Variants in CCNA2 observed in about 807,000 individuals in gnomAD.
The protein encoded by CCNA2 is cyclin A2, also known as cyclin-A2.
In CCNA2, 3 loss-of-function variants were observed where a neutral mutation model predicts 49.4. That is an observed-to-expected ratio of 0.06 (90% CI 0.03 to 0.16). CCNA2 has a LOEUF of 0.16. Ranked by LOEUF, CCNA2 falls within the 10% of genes least tolerant of loss-of-function variation. The probability of loss-of-function intolerance (pLI) is 1.00; values close to 1 mark genes in which losing one functional copy is unlikely to be tolerated. For missense variants in CCNA2, 372 were observed against 519.7 expected (o/e 0.72, Z 2.76); for synonymous variants, 206 against 197.2 (o/e 1.04, Z -0.37).
In CCNA2 at chr4:121,820,818, A is replaced by G. The variant is rs1724673441; in HGVS notation, c.571-53T>C. ...AAATTATTCTAGTGTAAAAACTGCA[A>G]TTAGATTATTTTACCATTAATTACG... On this transcript the variant is annotated intron_variant, in intron 3 of 7. Transcript: ENST00000274026. The surrounding 1 kb of genome is among the most constrained non-coding windows in gnomAD (Gnocchi z 4.1). 1 of 1,350,704 alleles carries G rather than the reference A, an allele frequency of 7.4e-7. No homozygotes were observed. The highest frequency in any genetic ancestry group is 1.3e-5 in the South Asian group (1 of 78,914). 83.7% of individuals were successfully genotyped at this position (1,350,704 alleles called of 1,614,324 possible). A position where few individuals can be genotyped will look rare whatever the true frequency, so the allele number is the denominator to read the frequency against.
intron 7 of CCNA2, 99 bp downstream of exon 7, chr4:121,817,945 C>T: frequency 8.1e-7 from 1 of 1,234,114 alleles, no homozygotes; most frequent in Non-Finnish European, 1.1e-6. Flanking sequence ...AACAGCTTCT[C>T]AAGGAGGCTA....
At chr4:121,822,782 CA>C in intron 1 of CCNA2, 136 bp from the exon 2 acceptor site, 1 of 881,658 alleles carries the variant, frequency 1.1e-6, no homozygotes, top group South Asian at 1.8e-5. Flanking sequence ...TTTCAGTATT[CA>C]AAAGAGAAGG....
In CCNA2 at chr4:121,820,589, C is replaced by T; in HGVS notation, c.747G>A (p.Leu249=). 1 of 1,614,148 alleles carries T rather than the reference C, an allele frequency of 6.2e-7. No homozygotes were observed. The change falls in exon 4 of 8, where the codon CTG becomes CTA. Residue 249 remains leucine, a synonymous_variant. Coordinates refer to ENST00000274026, the MANE Select transcript of CCNA2 (RefSeq NM_001237.5). The surrounding 1 kb of genome is among the most constrained non-coding windows in gnomAD (Gnocchi z 4.1). ...IDRFLSSMSV[L]RGKLQLVGTA... The stretch of plus-strand genomic sequence containing the variant: ...TGCCCACAAGCTGAAGTTTTCCTCT[C>T]AGCACTGACATGGAAGACAGGAACC...
chr4:121,817,728 C>G, intron 7 of CCNA2, 42 bp from the exon 8 acceptor site: 1 of 1,610,990 alleles, frequency 6.2e-7, no homozygotes, highest in Non-Finnish European at 8.5e-7. Context: ...TAAACACTCA[C>G]TGGGTAAAGG....
At chr4:121,818,247 G>T in intron 6 of CCNA2, 70 bp from the exon 7 acceptor site, 2 of 1,371,680 alleles carry the variant, frequency 1.5e-6, no homozygotes, top group Non-Finnish European at 1.0e-6. Flanking sequence ...TAAATAGTTG[G>T]CATTAAGCTT....
In CCNA2 at chr4:121,816,974, T is replaced by C. The variant is rs1724544438; in HGVS notation, c.*664A>G. On this transcript the variant is annotated 3_prime_UTR_variant, in exon 8 of 8. Coordinates refer to ENST00000274026, the MANE Select transcript of CCNA2 (RefSeq NM_001237.5). ...ATAAAATCTAGCAGGATTTTAAAAA[T>C]AGTTTTTTGTTTTTAATGTGCTTTA... 1.9e-6 allele frequency: 2 copies of C among 1,080,978 alleles called. No individual in the cohort carries two copies. Among genetic ancestry groups the C allele is most frequent in the South Asian group, 2.1e-5 (1 of 47,006 alleles). 67.0% of individuals were successfully genotyped at this position (1,080,978 alleles called of 1,614,324 possible).
chr4:121,818,180 A>G lies in CCNA2; in HGVS notation c.1117-3T>C, dbSNP rs1724595291. ...GTCTTTCGTATTAATGATTCAGGCT[A>G]CAGAGAAGGGAATAGAGAACCCCTG... On this transcript the variant is annotated splice_region_variant and splice_polypyrimidine_tract_variant and intron_variant, in intron 6 of 7. Transcript: ENST00000274026. 2.5e-6 allele frequency: 4 copies of G among 1,611,442 alleles called. No individual in the cohort carries two copies. The highest frequency in any genetic ancestry group is 1.7e-5 in the Admixed American group (1 of 59,394).
In CCNA2 at chr4:121,820,710, C is replaced by G; in HGVS notation, c.626G>C (p.Ser209Thr). The stretch of plus-strand genomic sequence containing the variant: ...CCAGTCCACGAGGATAGCTCTCATA[C>G]TGTTAGTGATGTCTGGCTGTTTCTT... ...YMKKQPDITN[S>T]MRAILVDWLV... Residue 209 changes from serine to threonine, a missense_variant, in exon 4 of 8, where the codon AGT (serine) becomes ACT (threonine). Ser to Thr is a moderately conservative substitution (Grantham distance 58). Coordinates refer to ENST00000274026, the MANE Select transcript of CCNA2 (RefSeq NM_001237.5). This position sits in a 1 kb window ranked among gnomAD's most constrained non-coding sequence, Gnocchi z 4.1. 6.2e-7 allele frequency: 1 copy of G among 1,614,018 alleles called. No homozygotes were observed. Among genetic ancestry groups the G allele is most frequent in the Middle Eastern group, 1.6e-4 (1 of 6,062 alleles).
At position 121,818,045 on chromosome 4, in the gene CCNA2, T is replaced by C; in HGVS notation, c.1249A>G (p.Lys417Glu). 1 of 1,610,906 alleles carries C rather than the reference T, an allele frequency of 6.2e-7. No individual in the cohort carries two copies. The highest frequency in any genetic ancestry group is 2.2e-5 in the East Asian group (1 of 44,864). The change falls in exon 7 of 8, where the codon AAG (lysine) becomes GAG (glutamate). Residue 417 changes from lysine to glutamate, a missense_variant and splice_region_variant. Lys to Glu is a moderately conservative substitution (Grantham distance 56). Transcript: ENST00000274026. ...QSIREKYKNS[K>E]YHGVSLLNPP... ...TTCAATATCCAAGTTAATTCTTACT[T>C]TGAATTTTTGTACTTTTCTCTTATT...
At position 121,816,599 on chromosome 4, in the gene CCNA2, C is replaced by A; in HGVS notation, c.*1039G>T. 1 of 819,782 alleles carries A rather than the reference C, an allele frequency of 1.2e-6. No individual in the cohort carries two copies. Among genetic ancestry groups the A allele is most frequent in the Non-Finnish European group, 1.8e-6 (1 of 544,194 alleles). The allele number at this position is 819,782 out of a possible 1,614,324, so 50.8% of individuals were successfully genotyped here. ...TCCATCTGTTCTGTGATTTTTTTAC[C>A]TTGTGATTTATAAAAATTAGGACCT... is the stretch of plus-strand genomic sequence containing the variant. On this transcript the variant is annotated 3_prime_UTR_variant, in exon 8 of 8. Transcript: ENST00000274026.
At chr4:121,819,325 A>T in intron 5 of CCNA2, 47 bp downstream of exon 5, 1 of 1,432,634 alleles carries the variant, frequency 7.0e-7, no homozygotes, top group Non-Finnish European at 9.8e-7. Context: ...GCTTACCCCT[A>T]ATTATTACCA....
At position 121,818,885 on chromosome 4, in the gene CCNA2, G is replaced by C. The variant is rs1724618424; in HGVS notation, c.1031C>G (p.Ala344Gly). The change falls in exon 6 of 8, where the codon GCT (alanine) becomes GGT (glycine). Residue 344 changes from alanine to glycine, a missense_variant. Ala to Gly is a moderately conservative substitution (Grantham distance 60). Around this residue, in one of 2 missense-constraint regions of CCNA2, gnomAD observed 155 missense variants for 288.1 expected, o/e 0.54. Transcript: ENST00000274026. Reference sequence around the variant, plus strand: ...TGGCAAATACTTGAGGTATGGGTCAGCATCTATCAAACTTAATTCTCCCAA... The same window carrying C: ...TGGCAAATACTTGAGGTATGGGTCACCATCTATCAAACTTAATTCTCCCAA... ...MFLGELSLID[A>G]DPYLKYLPSV... 6.2e-7 allele frequency: 1 copy of C among 1,612,110 alleles called. No individual in the cohort carries two copies. The highest frequency in any genetic ancestry group is 1.1e-5 in the South Asian group (1 of 91,038).
chr4:121,816,922 TG>T lies in CCNA2; in HGVS notation c.*715del. On this transcript the variant is annotated 3_prime_UTR_variant, in exon 8 of 8. Transcript: ENST00000274026. ...GATATTTATTCCATTCTGAGAACCC[TG>T]GGTATTTTTTATTCACAAATCCATT... is the stretch of plus-strand genomic sequence containing the variant. The T allele has an allele frequency of 1.5e-6, 2 of 1,364,796 alleles. No homozygotes were observed. Among genetic ancestry groups the T allele is most frequent in the Non-Finnish European group, 1.9e-6 (2 of 1,031,258 alleles). 84.5% of individuals were successfully genotyped at this position (1,364,796 alleles called of 1,614,324 possible).
chr4:121,823,264 T>G, intron 1 of CCNA2, 152 bp downstream of exon 1: 1 of 944,624 alleles, frequency 1.1e-6, no homozygotes. Context: ...ACTCCTACTG[T>G]GGCAAACCAC....
chr4:121,823,753 A>G lies in CCNA2; in HGVS notation c.-125T>C, dbSNP rs769239. On this transcript the variant is annotated 5_prime_UTR_variant, in exon 1 of 8. Transcript: ENST00000274026. ...GTAGCCGCCGGTCGCAGCCCAGGCCAGCCTACCAGCCCGCCCGCTCGCTCA... is the reference window on the plus strand; with the variant it reads ...GTAGCCGCCGGTCGCAGCCCAGGCCGGCCTACCAGCCCGCCCGCTCGCTCA... The G allele has an allele frequency of 9.8e-6, 14 of 1,430,654 alleles. No individual in the cohort carries two copies. The African/African-American group carries it at 1.9e-4, about 19-fold the overall frequency. 88.6% of individuals were successfully genotyped at this position (1,430,654 alleles called of 1,614,324 possible). A position where few individuals can be genotyped will look rare whatever the true frequency, so the allele number is the denominator to read the frequency against.
chr4:121,819,808 A>C (rs1422083038), intron 4 of CCNA2, among the ~76,000 whole-genome samples: 1 of 152,226 alleles, frequency 6.6e-6, no homozygotes, highest in Non-Finnish European at 1.5e-5. Flanking sequence ...AGTCAAAGGA[A>C]GTAAATGAAA....
Position 121,816,794 on chromosome 4 carries a change from CAA to C in CCNA2, c.*842_*843del, listed in dbSNP as rs1349519985. 1 of 1,599,160 alleles carries C rather than the reference CAA, an allele frequency of 6.3e-7. No individual in the cohort carries two copies. The highest frequency in any genetic ancestry group is 1.7e-4 in the Middle Eastern group (1 of 6,038). ...CAGAACACAGACCACCAGTGCAAAACAAGAAAAAGCACCAAGTAAAAAGCCAG... is the reference window on the plus strand; with the variant it reads ...CAGAACACAGACCACCAGTGCAAAACGAAAAAGCACCAAGTAAAAAGCCAG... On this transcript the variant is annotated 3_prime_UTR_variant, in exon 8 of 8. Coordinates refer to ENST00000274026, the MANE Select transcript of CCNA2 (RefSeq NM_001237.5).
chr4:121,817,583 A>G lies in CCNA2; in HGVS notation c.*55T>C. ...AATTAAAACCTAAGTTAAAAACTGTACACCATATACTTTGAGTGATTTACA... is the reference window on the plus strand; with the variant it reads ...AATTAAAACCTAAGTTAAAAACTGTGCACCATATACTTTGAGTGATTTACA... On this transcript the variant is annotated 3_prime_UTR_variant, in exon 8 of 8. Transcript: ENST00000274026. The G allele has an allele frequency of 6.2e-7, 1 of 1,604,068 alleles. No homozygotes were observed. The highest frequency in any genetic ancestry group is 2.2e-5 in the East Asian group (1 of 44,826).
chr4:121,816,791 AAAC>A lies in CCNA2; in HGVS notation c.*844_*846del. ...TCACAGAACACAGACCACCAGTGCA[AAAC>A]AAGAAAAAGCACCAAGTAAAAAGCC... On this transcript the variant is annotated 3_prime_UTR_variant, in exon 8 of 8. Coordinates refer to ENST00000274026, the MANE Select transcript of CCNA2 (RefSeq NM_001237.5). 2 of 1,600,482 alleles carry A rather than the reference AAAC, an allele frequency of 1.2e-6. No individual in the cohort carries two copies. The highest frequency in any genetic ancestry group is 2.3e-5 in the South Asian group (2 of 88,724).
Sources: gnomAD v4.1 joint callset for allele counts (sites outside exome capture counted in the v4.1 genomes callset) on GRCh38, gnomAD v4.1.1 for gene constraint, gnomAD v4.1.1 regional missense constraint, Gnocchi (gnomAD v3.1) non-coding constraint, MANE v1.5 for transcripts, NCBI Gene and HGNC (gene_info 2026-07-23, HGNC 2026-07-21) for gene names.